The following ELP2 variants were observed in gnomAD, a reference collection of about 807,000 sequenced individuals.
ELP2 encodes the protein elongator acetyltransferase complex subunit 2.
Under a neutral mutation model 119.2 loss-of-function variants are expected in ELP2, and 90 were observed. That is an observed-to-expected ratio of 0.75 (90% CI 0.64 to 0.90). ELP2 has a LOEUF of 0.90. Ranked by LOEUF, ELP2 falls within the 40% of genes least tolerant of loss-of-function variation. The probability of loss-of-function intolerance (pLI) is 0.00; values close to 1 mark genes in which losing one functional copy is unlikely to be tolerated. For missense variants in ELP2, 921 were observed against 967.8 expected (o/e 0.95, Z 0.64); for synonymous variants, 339 against 331.0 (o/e 1.02, Z -0.26).
intron 18 of ELP2, among the ~76,000 whole-genome samples, chr18:36,165,625 T>A (rs148175091): frequency 6.6e-6 from 1 of 152,356 alleles, no homozygotes; most frequent in East Asian, 1.9e-4. Context: ...CTCATGCGTG[T>A]GATCCCAGCA....
intron 9 of ELP2, chr18:36,145,394 A>G (rs1024275295): frequency 3.1e-6 from 1 of 318,734 alleles, no homozygotes. Flanking sequence ...TACCACTGAA[A>G]TACATTATTT....
chr18:36,143,046 G>A, intron 8 of ELP2, 80 bp downstream of exon 8: 1 of 943,368 alleles, frequency 1.1e-6, no homozygotes, highest in Middle Eastern at 2.3e-4. Context: ...ACCCACCTAT[G>A]TGAAGGATAG....
rs139671792 is a variant in ELP2 at position 36,166,912 on chromosome 18, T to C, written c.1955-189T>C. 1.8e-3 allele frequency: 784 copies of C among 426,684 alleles called. 10 individuals carry two copies. The East Asian group carries it at 0.027, about 15-fold the overall frequency. The allele number at this position is 426,684 out of a possible 1,614,324, so 26.4% of individuals were successfully genotyped here. On this transcript the variant is annotated intron_variant, in intron 18 of 21. Coordinates refer to ENST00000358232, the MANE Select transcript of ELP2 (RefSeq NM_018255.4). Reference sequence around the variant, plus strand: ...CAGTCAGTACAAAAGCATTCCCTACTAGAAAAATAGCTGTGTCCACAGCCT... The same window carrying C: ...CAGTCAGTACAAAAGCATTCCCTACCAGAAAAATAGCTGTGTCCACAGCCT...
rs764786021 is a variant in ELP2, at chr18:36,160,946, A to T, written c.1703A>T (p.Tyr568Phe). Reference protein sequence around the residue: ...PEVQKLYGHGYEIFCVTCNSS... With the variant: ...PEVQKLYGHGFEIFCVTCNSS... ...TTAAATTTTAGATATGGGCACGGTT[A>T]TGAAATATTTTGTGTTACTTGTAAC... Residue 568 changes from tyrosine (Y) to phenylalanine (F), a missense_variant, in exon 17 of 22, where the codon TAT (tyrosine) becomes TTT (phenylalanine). Coordinates refer to ENST00000358232, the MANE Select transcript of ELP2 (RefSeq NM_018255.4). The T allele has an allele frequency of 1.9e-6, 3 of 1,612,518 alleles. No homozygotes were observed. The South Asian group carries it at 3.3e-5, about 18-fold the overall frequency.
Position 36,178,040 on chromosome 18 carries a change from A to T in ELP2, c.*3399A>T, listed in dbSNP as rs1315218619. ...GAATATTTCATTCAAATTGGAGCCAAGCTAACACAAAGCTGTTGCTGCTAG... is the reference window on the plus strand; with the variant it reads ...GAATATTTCATTCAAATTGGAGCCATGCTAACACAAAGCTGTTGCTGCTAG... On this transcript the variant is annotated 3_prime_UTR_variant, in exon 22 of 22. Transcript: ENST00000358232. The T allele has an allele frequency of 6.6e-6, 1 of 152,218 alleles. No individual in the cohort carries two copies. Among genetic ancestry groups the T allele is most frequent in the Admixed American group, 6.5e-5 (1 of 15,278 alleles). 9.4% of individuals were successfully genotyped at this position (152,218 alleles called of 1,614,324 possible).
chr18:36,172,264 C>G (rs867604082), intron 21 of ELP2, among the ~76,000 whole-genome samples: 1 of 152,004 alleles, frequency 6.6e-6, no homozygotes, highest in Non-Finnish European at 1.5e-5. Context: ...GCCTGTCCCC[C>G]CCAAAAAAGT....
intron 2 of ELP2, among the ~76,000 whole-genome samples, chr18:36,135,295 C>G (rs1271136529): frequency 6.6e-6 from 1 of 152,096 alleles, no homozygotes. Context: ...CCTTTCCAAC[C>G]CTTTATCGGT....
At chr18:36,130,376 T>C (rs925104653) in intron 1 of ELP2, among the ~76,000 whole-genome samples, 4 of 152,252 alleles carry the variant, frequency 2.6e-5, no homozygotes, top group African/African-American at 9.6e-5. Flanking sequence ...TTGGGAACTG[T>C]AGTACCGTTA....
At chr18:36,143,617 C>T (rs560218861) in intron 8 of ELP2, among the ~76,000 whole-genome samples, 2 of 151,858 alleles carry the variant, frequency 1.3e-5, no homozygotes, top group South Asian at 4.2e-4. Flanking sequence ...GGCTGTTTTT[C>T]AACTACTGGC....
At chr18:36,156,780 G>C in intron 13 of ELP2, 126 bp downstream of exon 13, 1 of 935,394 alleles carries the variant, frequency 1.1e-6, no homozygotes, top group Non-Finnish European at 1.6e-6. Context: ...CTTAATGTAA[G>C]ATGTGACAAA....
chr18:36,176,806 G>GCATGTTCTGCTAA lies in ELP2; in HGVS notation c.*2169_*2170insTTCTGCTAACATG, dbSNP rs977311852. 2 of 152,160 alleles carry GCATGTTCTGCTAA rather than the reference G, an allele frequency of 1.3e-5. No individual in the cohort carries two copies. Among genetic ancestry groups the GCATGTTCTGCTAA allele is most frequent in the African/African-American group, 4.8e-5 (2 of 41,436 alleles). 9.4% of individuals were successfully genotyped at this position (152,160 alleles called of 1,614,324 possible). ...GAAGCAATCCCCAGATACGGGTTAG[G>GCATGTTCTGCTAA]CATGGCCCTGCTCTGAGCAGGATGG... On this transcript the variant is annotated 3_prime_UTR_variant, in exon 22 of 22. Coordinates refer to ENST00000358232, the MANE Select transcript of ELP2 (RefSeq NM_018255.4).
At chr18:36,160,127 C>T in intron 16 of ELP2, 112 bp downstream of exon 16, 1 of 963,320 alleles carries the variant, frequency 1.0e-6, no homozygotes, top group Non-Finnish European at 1.7e-6. Context: ...TACCTTTTTC[C>T]TCCTCTTCTA....
In ELP2 at chr18:36,160,982, C is replaced by T; in HGVS notation, c.1739C>T (p.Thr580Ile). The T allele has an allele frequency of 6.2e-7, 1 of 1,613,592 alleles. No homozygotes were observed. The highest frequency in any genetic ancestry group is 8.5e-7 in the Non-Finnish European group (1 of 1,179,600). ...TGTGTTACTTGTAACAGTTCAAAGA[C>T]TCTGCTTGCCTCAGCTTGTAAGGTA... ...IFCVTCNSSK[T>I]LLASACKAAK... is the part of the protein sequence containing the mutation. The change falls in exon 17 of 22, where the codon ACT becomes ATT. Residue 580 changes from threonine to isoleucine, a missense_variant. Thr to Ile is a moderately conservative substitution (Grantham distance 89). Transcript: ENST00000358232.
chr18:36,148,786 G>A (rs2144671534), intron 11 of ELP2, among the ~76,000 whole-genome samples: 1 of 152,304 alleles, frequency 6.6e-6, no homozygotes, highest in South Asian at 2.1e-4. Flanking sequence ...TGACGCAGGA[G>A]GATTGTGTGA....
chr18:36,158,811 T>G (rs373632187), intron 13 of ELP2, 24 bp from the exon 14 acceptor site: 21 of 1,482,622 alleles, frequency 1.4e-5, no homozygotes, highest in Non-Finnish European at 1.4e-5. Context: ...ATTTATAACT[T>G]AGATATTATA....
intron 7 of ELP2, 66 bp from the exon 8 acceptor site, chr18:36,142,757 CAAA>C (rs1236012059): frequency 2.8e-6 from 3 of 1,059,522 alleles, no homozygotes; most frequent in East Asian, 2.6e-5. Flanking sequence ...ATATTATAGA[CAAA>C]AAAGTCTTAT....
chr18:36,172,281 G>A (rs592261), intron 21 of ELP2, among the ~76,000 whole-genome samples: 52,376 of 151,832 alleles, frequency 0.34, 9,112 homozygotes, highest in Middle Eastern at 0.42. Flanking sequence ...AAGTATAAAC[G>A]TTCAGAAAGC....
intron 9 of ELP2, 39 bp from the exon 10 acceptor site, chr18:36,145,909 A>C (rs753969906): frequency 6.6e-7 from 1 of 1,509,226 alleles, no homozygotes; most frequent in African/African-American, 1.4e-5. Context: ...AAACATGATG[A>C]TTGTTGATCA....
At chr18:36,160,047 G>C in intron 16 of ELP2, 32 bp downstream of exon 16, 1 of 1,608,146 alleles carries the variant, frequency 6.2e-7, no homozygotes, top group Non-Finnish European at 8.5e-7. Context: ...TCTTTGGTCT[G>C]ATTCTGTCGT....
Sources: gnomAD v4.1 joint callset for allele counts (sites outside exome capture counted in the v4.1 genomes callset) on GRCh38, gnomAD v4.1.1 for gene constraint, MANE v1.5 for transcripts, NCBI Gene and HGNC (gene_info 2026-07-23, HGNC 2026-07-21) for gene names.